The following ZNF644 variants were observed in gnomAD, a reference collection of about 807,000 sequenced individuals.
ZNF644 encodes zinc finger protein 644.
In ZNF644, 20 loss-of-function variants were observed where a neutral mutation model predicts 108.0. The observed-to-expected ratio is 0.19, with a 90% CI of 0.13 to 0.27. ZNF644 has a LOEUF of 0.27. ZNF644 is among the 10% of genes least tolerant of loss of function. The probability of loss-of-function intolerance (pLI) is 1.00; values close to 1 mark genes in which losing one functional copy is unlikely to be tolerated. For missense variants in ZNF644, 1,338 were observed against 1,548.9 expected, an observed-to-expected ratio of 0.86 and a Z score of 2.29; for synonymous variants, 542 against 539.1, an observed-to-expected ratio of 1.01 and a Z score of -0.08.
chr1:90,925,423 G>A (rs1295348622), intron 4 of ZNF644, among the ~76,000 whole-genome samples: 1 of 151,866 alleles, frequency 6.6e-6, no homozygotes, highest in Non-Finnish European at 1.5e-5. Flanking sequence ...TGTATATCCA[G>A]GGCAACTTGA....
rs1465925594 is a variant in ZNF644 at position 90,923,999 on chromosome 1, A to G, written c.3689-5845T>C. 2.0e-5 allele frequency among the ~76,000 whole-genome samples: 3 copies of G among 152,204 alleles called. No homozygotes were observed. In the South Asian group the frequency reaches 6.2e-4, roughly 31 times the overall value. ...AAAAGTACAATTTGTAGAAGACTCC[A>G]CTATTTCAAAGTAGAGGGGATGATT... On this transcript the variant is annotated intron_variant, in intron 4 of 5. Transcript: ENST00000337393.
intron 1 of ZNF644, among the ~76,000 whole-genome samples, chr1:91,003,628 A>C (rs1366512967): frequency 6.6e-6 from 1 of 151,926 alleles, no homozygotes; most frequent in African/African-American, 2.4e-5. Flanking sequence ...ACACGTATAC[A>C]TATGTAACAA....
Position 91,002,352 on chromosome 1 carries a change from C to T in ZNF644, c.-18+19638G>A, listed in dbSNP as rs1658933308. Among the ~76,000 whole-genome samples, 4 of 152,120 alleles carry T rather than the reference C, an allele frequency of 2.6e-5. No individual in the cohort carries two copies. The South Asian group carries it at 6.2e-4, about 24-fold the overall frequency. The stretch of plus-strand genomic sequence containing the variant: ...AGAGATATAGACCAATGGAACAGAA[C>T]AGAGCCCTCAGAAATAATACCACAC... On this transcript the variant is annotated intron_variant, in intron 1 of 5. Transcript: ENST00000337393.
chr1:91,018,776 C>CA (rs1164278329), intron 1 of ZNF644, among the ~76,000 whole-genome samples: 1 of 152,194 alleles, frequency 6.6e-6, no homozygotes, highest in Non-Finnish European at 1.5e-5. Context: ...CTCTAGATTG[C>CA]AGATATCCCA....
At chr1:90,945,179 TAA>T (rs1326027461) in intron 2 of ZNF644, among the ~76,000 whole-genome samples, 6 of 152,052 alleles carry the variant, frequency 3.9e-5, no homozygotes. Flanking sequence ...TAAATTAAGA[TAA>T]ATAAACTGAT....
chr1:91,016,383 G>C (rs868867300), intron 1 of ZNF644, among the ~76,000 whole-genome samples: 1 of 152,206 alleles, frequency 6.6e-6, no homozygotes, highest in Non-Finnish European at 1.5e-5. Context: ...CTAGATGGTA[G>C]AGCCTACTTA....
At chr1:90,972,104 C>T (rs1184223987) in intron 2 of ZNF644, among the ~76,000 whole-genome samples, 1 of 151,914 alleles carries the variant, frequency 6.6e-6, no homozygotes, top group African/African-American at 2.4e-5. Context: ...GTGGGCGACA[C>T]AATGAGACTC....
chr1:90,918,268 C>T, intron 4 of ZNF644, 114 bp from the exon 5 acceptor site: 1 of 828,690 alleles, frequency 1.2e-6, no homozygotes, highest in Non-Finnish European at 2.0e-6. Context: ...AAAAAGTCCG[C>T]ATTCATTTCC....
chr1:90,977,953 A>G (rs1370226001), intron 2 of ZNF644, among the ~76,000 whole-genome samples: 3 of 152,248 alleles, frequency 2.0e-5, no homozygotes, highest in East Asian at 1.9e-4. Context: ...TATGGGGAGT[A>G]TAGTGCTGGG....
At chr1:91,005,145 T>TA (rs1267289453) in intron 1 of ZNF644, among the ~76,000 whole-genome samples, 2 of 152,200 alleles carry the variant, frequency 1.3e-5, no homozygotes, top group East Asian at 3.9e-4. Context: ...TAAAAAAAGT[T>TA]ATACCATGCA....
chr1:91,020,194 TA>T (rs1660774492), intron 1 of ZNF644, among the ~76,000 whole-genome samples: 1 of 152,170 alleles, frequency 6.6e-6, no homozygotes, highest in South Asian at 2.1e-4. Flanking sequence ...TATTCATTAA[TA>T]CAAGACTGTT....
intron 2 of ZNF644, among the ~76,000 whole-genome samples, chr1:90,977,288 A>G (rs1414569603): frequency 6.6e-6 from 1 of 152,200 alleles, no homozygotes; most frequent in Non-Finnish European, 1.5e-5. Flanking sequence ...GTAGCAAACT[A>G]TAAAGAAATT....
At chr1:90,989,825 A>G (rs192706473) in intron 1 of ZNF644, among the ~76,000 whole-genome samples, 2 of 152,330 alleles carry the variant, frequency 1.3e-5, no homozygotes, top group East Asian at 3.9e-4. Flanking sequence ...GCATATACAC[A>G]AAGAATCCAA....
chr1:90,951,894 G>GA (rs1249742985), intron 2 of ZNF644, among the ~76,000 whole-genome samples: 1 of 152,164 alleles, frequency 6.6e-6, no homozygotes, highest in East Asian at 1.9e-4. Flanking sequence ...AACCTTTGGG[G>GA]AACCAAATAA....
intron 2 of ZNF644, among the ~76,000 whole-genome samples, chr1:90,948,948 G>A (rs1191175203): frequency 6.6e-6 from 1 of 152,052 alleles, no homozygotes; most frequent in Non-Finnish European, 1.5e-5. Context: ...CATTATAAAA[G>A]TTCCATAAAT....
chr1:91,001,410 T>C (rs1658797516), intron 1 of ZNF644, among the ~76,000 whole-genome samples: 1 of 152,142 alleles, frequency 6.6e-6, no homozygotes, highest in Non-Finnish European at 1.5e-5. Flanking sequence ...TAATCCAGCA[T>C]ATAAACAGAA....
chr1:90,958,955 C>CAAACA (rs143166609), intron 2 of ZNF644, among the ~76,000 whole-genome samples: 1 of 151,636 alleles, frequency 6.6e-6, no homozygotes, highest in Non-Finnish European at 1.5e-5. Context: ...ACAAAACAAA[C>CAAACA]AAAAAACAGA....
intron 2 of ZNF644, among the ~76,000 whole-genome samples, chr1:90,979,381 G>A (rs1262594240): frequency 6.6e-6 from 1 of 152,156 alleles, no homozygotes; most frequent in Non-Finnish European, 1.5e-5. Flanking sequence ...GCTGAGGCAG[G>A]AGAATTGCTT....
At chr1:90,995,241 A>G (rs1658040340) in intron 1 of ZNF644, among the ~76,000 whole-genome samples, 1 of 152,182 alleles carries the variant, frequency 6.6e-6, no homozygotes, top group Non-Finnish European at 1.5e-5. Flanking sequence ...AAAATACAAT[A>G]ACTACAATAA....
Sources: gnomAD v4.1 joint callset for allele counts (sites outside exome capture counted in the v4.1 genomes callset) on GRCh38, gnomAD v4.1.1 for gene constraint, MANE v1.5 for transcripts, NCBI Gene and HGNC (gene_info 2026-07-23, HGNC 2026-07-21) for gene names.